The following POU6F2 variants were observed in gnomAD, a reference collection of about 807,000 sequenced individuals.
The protein encoded by POU6F2 is POU domain, class 6, transcription factor 2.
Under a neutral mutation model 71.3 loss-of-function variants are expected in POU6F2, and 31 were observed. The observed-to-expected ratio is 0.43, with a 90% CI of 0.33 to 0.59. The LOEUF is 0.59. Among genes scored for constraint, POU6F2 ranks in the 20% least tolerant of loss-of-function variants. The pLI is 0.04. For synonymous variants in POU6F2, 347 were observed against 355.7 expected (o/e 0.98, Z 0.27); for missense variants, 783 against 856.8 (o/e 0.91, Z 1.07).
chr7:39,249,061 G>T (rs887440671), intron 4 of POU6F2, among the ~76,000 whole-genome samples: 22 of 152,244 alleles, frequency 1.4e-4, no homozygotes, highest in African/African-American at 5.3e-4. Context: ...TGTTCCCCAT[G>T]CAGGTCTCCA....
At chr7:39,107,682 C>T (rs111568762) in intron 2 of POU6F2, among the ~76,000 whole-genome samples, 2 of 152,024 alleles carry the variant, frequency 1.3e-5, no homozygotes, top group Admixed American at 6.6e-5. Flanking sequence ...AACCACCCCC[C>T]GCCCCCTACA....
intron 2 of POU6F2, among the ~76,000 whole-genome samples, chr7:39,088,994 G>A (rs1428755080): frequency 1.3e-5 from 2 of 152,142 alleles, no homozygotes; most frequent in Non-Finnish European, 2.9e-5. Context: ...GCACTTAACA[G>A]CATCCAAAGG....
At chr7:39,388,612 G>A (rs1786997033) in intron 5 of POU6F2, among the ~76,000 whole-genome samples, 1 of 152,120 alleles carries the variant, frequency 6.6e-6, no homozygotes, top group Non-Finnish European at 1.5e-5. Flanking sequence ...CACTGCACCT[G>A]GCCCAAAATG....
At chr7:39,442,933 T>G (rs1404932290) in intron 7 of POU6F2, among the ~76,000 whole-genome samples, 1 of 152,160 alleles carries the variant, frequency 6.6e-6, no homozygotes, top group Non-Finnish European at 1.5e-5. Flanking sequence ...AGCTCTAGTT[T>G]GGGAGTAGTA....
chr7:39,421,614 A>G (rs746671776), intron 6 of POU6F2, among the ~76,000 whole-genome samples: 1 of 151,996 alleles, frequency 6.6e-6, no homozygotes, highest in Non-Finnish European at 1.5e-5. Context: ...ATTGCCAAAC[A>G]TTTTCTTCAC....
intron 4 of POU6F2, among the ~76,000 whole-genome samples, chr7:39,296,349 AC>A (rs1236514322): frequency 6.6e-6 from 1 of 152,216 alleles, no homozygotes; most frequent in African/African-American, 2.4e-5. Context: ...ATCATTGAGA[AC>A]AAGATACAAT....
intron 6 of POU6F2, among the ~76,000 whole-genome samples, chr7:39,409,009 T>C (rs1011379026): frequency 2.0e-5 from 3 of 152,242 alleles, no homozygotes; most frequent in African/African-American, 7.2e-5. Flanking sequence ...TGTTTGTGTG[T>C]GTGCATATTC....
At position 38,979,109 on chromosome 7, in the gene POU6F2, T is replaced by C. The variant is rs117282148; in HGVS notation, c.105+1051T>C. Among the ~76,000 whole-genome samples the C allele has an allele frequency of 1.5e-3, 234 of 152,240 alleles. 1 individual carries two copies. In the East Asian group the frequency reaches 0.017, roughly 11 times the overall value. ...GGTTTCTTTTCTTTTTTGTAATGTA[T>C]TTTTGACTAAATTTTTCTAAGTTAT... On this transcript the variant is annotated intron_variant, in intron 1 of 9. Coordinates refer to ENST00000518318, the MANE Select transcript of POU6F2 (RefSeq NM_001370959.1).
chr7:39,249,482 C>G (rs888857501), intron 4 of POU6F2, among the ~76,000 whole-genome samples: 4 of 152,096 alleles, frequency 2.6e-5, no homozygotes, highest in African/African-American at 9.7e-5. Context: ...CTGAGAAGCT[C>G]CTTTTGAAGG....
chr7:39,175,602 AAAGT>A (rs1793310456), intron 2 of POU6F2, among the ~76,000 whole-genome samples: 1 of 152,174 alleles, frequency 6.6e-6, no homozygotes, highest in African/African-American at 2.4e-5. Flanking sequence ...TACTGCTAAT[AAAGT>A]AATAATGAAC....
intron 4 of POU6F2, among the ~76,000 whole-genome samples, chr7:39,213,844 G>A (rs1794189659): frequency 6.6e-6 from 1 of 152,218 alleles, no homozygotes; most frequent in African/African-American, 2.4e-5. Flanking sequence ...CTCTAGGGAA[G>A]CACCTTTGGC....
chr7:39,129,031 A>C (rs918939944), intron 2 of POU6F2, among the ~76,000 whole-genome samples: 6 of 152,230 alleles, frequency 3.9e-5, no homozygotes, highest in Non-Finnish European at 5.9e-5. Context: ...GTGAAAATAA[A>C]CATACCTGAA....
intron 4 of POU6F2, among the ~76,000 whole-genome samples, chr7:39,249,398 G>A (rs976361645): frequency 6.6e-6 from 1 of 152,102 alleles, no homozygotes; most frequent in Non-Finnish European, 1.5e-5. Flanking sequence ...AACCACAGAC[G>A]CTATAATGCA....
At chr7:39,304,274 A>G (rs1336383135) in intron 4 of POU6F2, among the ~76,000 whole-genome samples, 1 of 152,242 alleles carries the variant, frequency 6.6e-6, no homozygotes, top group African/African-American at 2.4e-5. Context: ...ACAGGAAAAC[A>G]TGAGCAAAGA....
At chr7:38,981,675 C>G (rs1465411744) in intron 1 of POU6F2, among the ~76,000 whole-genome samples, 1 of 152,148 alleles carries the variant, frequency 6.6e-6, no homozygotes, top group Non-Finnish European at 1.5e-5. Flanking sequence ...GAAGAGACCA[C>G]ACATTCTATA....
intron 4 of POU6F2, among the ~76,000 whole-genome samples, chr7:39,331,151 TACC>T (rs1785640279): frequency 6.6e-6 from 1 of 152,260 alleles, no homozygotes; most frequent in African/African-American, 2.4e-5. Flanking sequence ...TATGGATATG[TACC>T]ACATTTTCTT....
chr7:39,037,937 T>C (rs910337204), intron 1 of POU6F2, among the ~76,000 whole-genome samples: 23 of 152,000 alleles, frequency 1.5e-4, no homozygotes, highest in African/African-American at 5.6e-4. Flanking sequence ...CAATAAGCTA[T>C]TTTCCAAAAA....
chr7:39,368,551 A>G (rs1342989020), intron 5 of POU6F2, among the ~76,000 whole-genome samples: 2 of 152,138 alleles, frequency 1.3e-5, no homozygotes, highest in Non-Finnish European at 2.9e-5. Context: ...TCATTGATGA[A>G]GGTGGCTACA....
chr7:39,038,554 C>T (rs937908033), intron 1 of POU6F2, among the ~76,000 whole-genome samples: 2 of 151,960 alleles, frequency 1.3e-5, no homozygotes, highest in Admixed American at 6.6e-5. Context: ...AGCCTTAAGG[C>T]AATTTGAATC....
Sources: gnomAD v4.1 joint callset for allele counts (sites outside exome capture counted in the v4.1 genomes callset) on GRCh38, gnomAD v4.1.1 for gene constraint, MANE v1.5 for transcripts, NCBI Gene and HGNC (gene_info 2026-07-23, HGNC 2026-07-21) for gene names.